Variants in MLLT3 observed in about 807,000 individuals in gnomAD.
MLLT3 encodes the protein MLLT3 super elongation complex subunit.
MLLT3 carries 4 observed loss-of-function variants against 53.2 expected under a neutral mutation model. The observed-to-expected ratio is 0.08, with a 90% CI of 0.04 to 0.17. MLLT3 has a LOEUF of 0.17. Among genes scored for constraint, MLLT3 ranks in the 10% least tolerant of loss-of-function variants. The pLI is 1.00. For synonymous variants in MLLT3, 283 were observed against 230.6 expected (o/e 1.23, Z -2.06); for missense variants, 569 against 684.0 (o/e 0.83, Z 1.87).
At position 20,363,448 on chromosome 9, in the gene MLLT3, G is replaced by A; in HGVS notation, c.1331+28C>T. On this transcript the variant is annotated intron_variant, in intron 7 of 10. Coordinates refer to ENST00000380338, the MANE Select transcript of MLLT3 (RefSeq NM_004529.4). ...GTGAAAGAGTCTGACTTCATCACAGGCAACCCCTTTCCTTCCAAGATACTC... is the reference window on the plus strand; with the variant it reads ...GTGAAAGAGTCTGACTTCATCACAGACAACCCCTTTCCTTCCAAGATACTC... The A allele has an allele frequency of 3.1e-6, 5 of 1,612,054 alleles. No homozygotes were observed. In the South Asian group the frequency reaches 5.5e-5, roughly 18 times the overall value.
chr9:20,375,766 G>A (rs573413611), intron 5 of MLLT3, among the ~76,000 whole-genome samples: 10 of 151,898 alleles, frequency 6.6e-5, no homozygotes, highest in Non-Finnish European at 7.4e-5. Flanking sequence ...CTGCCACCAC[G>A]CCCGGCTAGG....
rs1821122379 is a variant in MLLT3 at position 20,354,800 on chromosome 9, A to G, written c.1503+8T>C. Reference sequence around the variant, plus strand: ...TGGAGCCCTCCTAGTAACAGACTAGAAACCTACCTTGTCACATTCACCATT... The same window carrying G: ...TGGAGCCCTCCTAGTAACAGACTAGGAACCTACCTTGTCACATTCACCATT... On this transcript the variant is annotated splice_region_variant and intron_variant, in intron 9 of 10. Transcript: ENST00000380338. 8 of 1,598,420 alleles carry G rather than the reference A, an allele frequency of 5.0e-6. No homozygotes were observed. The highest frequency in any genetic ancestry group is 6.9e-6 in the Non-Finnish European group (8 of 1,166,260).
At chr9:20,577,782 A>T (rs764319463) in intron 2 of MLLT3, among the ~76,000 whole-genome samples, 16 of 152,152 alleles carry the variant, frequency 1.1e-4, no homozygotes, top group Non-Finnish European at 5.9e-5. Flanking sequence ...GAACACACAC[A>T]CCATTTTGCC....
chr9:20,375,900 G>A (rs867664066), intron 5 of MLLT3, among the ~76,000 whole-genome samples: 27 of 151,996 alleles, frequency 1.8e-4, no homozygotes, highest in African/African-American at 6.0e-4. Context: ...GAGCCACCGC[G>A]CCCGGACTTC....
intron 7 of MLLT3, 127 bp downstream of exon 7, chr9:20,363,349 C>G: frequency 9.4e-7 from 1 of 1,063,636 alleles, no homozygotes. Context: ...GGAGACCCTG[C>G]ATCAAATGAA....
intron 4 of MLLT3, among the ~76,000 whole-genome samples, chr9:20,433,130 TG>T (rs1393747456): frequency 2.0e-5 from 3 of 151,738 alleles, no homozygotes; most frequent in African/African-American, 7.3e-5. Flanking sequence ...CGGCTACAGG[TG>T]GAGAGACACC....
intron 2 of MLLT3, among the ~76,000 whole-genome samples, chr9:20,614,874 T>C (rs1431674895): frequency 1.5e-5 from 2 of 137,418 alleles, no homozygotes; most frequent in African/African-American, 2.6e-5. Context: ...GGAAGACCCA[T>C]GAGAAAGAAA....
At chr9:20,379,776 T>A (rs1314566539) in intron 5 of MLLT3, among the ~76,000 whole-genome samples, 1 of 151,982 alleles carries the variant, frequency 6.6e-6, no homozygotes, top group African/African-American at 2.4e-5. Flanking sequence ...AGTAAGTAGA[T>A]CTTGATGGAT....
intron 2 of MLLT3, among the ~76,000 whole-genome samples, chr9:20,530,475 G>C (rs915934884): frequency 6.6e-6 from 1 of 152,318 alleles, no homozygotes; most frequent in East Asian, 1.9e-4. Flanking sequence ...AATCTGCCAA[G>C]ATAAAGGGGT....
intron 3 of MLLT3, among the ~76,000 whole-genome samples, chr9:20,452,758 G>A (rs1823869395): frequency 1.3e-5 from 2 of 152,126 alleles, no homozygotes. Flanking sequence ...AGAAAGATGA[G>A]TACTGTCTAA....
chr9:20,588,565 G>C (rs1193017620), intron 2 of MLLT3, among the ~76,000 whole-genome samples: 1 of 152,106 alleles, frequency 6.6e-6, no homozygotes, highest in Non-Finnish European at 1.5e-5. Context: ...CACATCCCTT[G>C]TAAGTTGGAT....
In MLLT3 at chr9:20,414,351, G is replaced by A. The variant is rs761736927; in HGVS notation, c.495C>T (p.Ser165=). Residue 165 remains serine (S), a synonymous_variant, in exon 5 of 11, where the codon AGC becomes AGT. Coordinates refer to ENST00000380338, the MANE Select transcript of MLLT3 (RefSeq NM_004529.4). ...SSSSSSSSSS[S]SSSSSSSSSS... ...TGCTGCTGCTGCTGCTGCTACTGCT[G>A]CTGCTGCTGCTGCTGCTGCTGCTGC... 2 of 1,601,530 alleles carry A rather than the reference G, an allele frequency of 1.2e-6. No individual in the cohort carries two copies. The highest frequency in any genetic ancestry group is 1.1e-5 in the South Asian group (1 of 90,372).
At chr9:20,557,239 G>C (rs1819084237) in intron 2 of MLLT3, among the ~76,000 whole-genome samples, 2 of 152,010 alleles carry the variant, frequency 1.3e-5, no homozygotes, top group African/African-American at 4.8e-5. Context: ...CTGCTAATTT[G>C]GTAGGAGAGC....
chr9:20,605,740 C>T (rs1341703251), intron 2 of MLLT3, among the ~76,000 whole-genome samples: 1 of 151,884 alleles, frequency 6.6e-6, no homozygotes, highest in Non-Finnish European at 1.5e-5. Flanking sequence ...ATACTATATG[C>T]CATAGGTAAG....
intron 9 of MLLT3, among the ~76,000 whole-genome samples, chr9:20,354,246 T>A (rs1821107764): frequency 6.6e-6 from 1 of 152,250 alleles, no homozygotes; most frequent in South Asian, 2.1e-4. Flanking sequence ...GGGGTACCTC[T>A]CTTTCCATAT....
intron 2 of MLLT3, among the ~76,000 whole-genome samples, chr9:20,479,309 G>A (rs1009664681): frequency 1.4e-4 from 22 of 152,054 alleles, no homozygotes; most frequent in African/African-American, 4.8e-4. Flanking sequence ...ACTGTGAAGG[G>A]GTATCTTTTA....
intron 2 of MLLT3, among the ~76,000 whole-genome samples, chr9:20,484,659 C>A (rs1181234831): frequency 6.6e-6 from 1 of 152,108 alleles, no homozygotes; most frequent in Admixed American, 6.5e-5. Flanking sequence ...AATTTCTCCC[C>A]GGAATCCATG....
intron 2 of MLLT3, among the ~76,000 whole-genome samples, chr9:20,477,729 G>C (rs1177549325): frequency 6.6e-6 from 1 of 152,200 alleles, no homozygotes; most frequent in South Asian, 2.1e-4. Context: ...CTATACTCCA[G>C]GGAGATACAG....
intron 2 of MLLT3, among the ~76,000 whole-genome samples, chr9:20,540,429 G>C (rs1818600262): frequency 6.6e-6 from 1 of 152,218 alleles, no homozygotes; most frequent in Non-Finnish European, 1.5e-5. Flanking sequence ...AATCTAGGCA[G>C]AGGTTCCCAA....
Sources: allele counts gnomAD v4.1 joint callset (sites outside exome capture counted in the v4.1 genomes callset), GRCh38; gene constraint gnomAD v4.1.1; transcripts MANE v1.5; gene names NCBI Gene and HGNC (gene_info 2026-07-23, HGNC 2026-07-21).